Variants in SARNP observed in about 807,000 individuals in gnomAD.
SARNP encodes the protein SAP domain-containing ribonucleoprotein.
Under a neutral mutation model 38.1 loss-of-function variants are expected in SARNP, and 5 were observed. The ratio of observed to expected loss-of-function variants is 0.13; its 90% CI spans 0.07 to 0.28. The LOEUF (loss-of-function observed/expected upper bound fraction) is 0.28, where lower values mean the gene tolerates loss of function less well. Ranked by LOEUF, SARNP falls within the 10% of genes least tolerant of loss-of-function variation. SARNP has a pLI of 1.00. For synonymous variants in SARNP, 84 were observed against 80.6 expected (o/e 1.04, Z -0.23); for missense variants, 180 against 243.9 (o/e 0.74, Z 1.75).
chr12:55,798,820 G>A (rs1250190719), intron 4 of SARNP, among the ~76,000 whole-genome samples: 1 of 152,126 alleles, frequency 6.6e-6, no homozygotes, highest in African/African-American at 2.4e-5. Flanking sequence ...TCGAACTTTT[G>A]TATATACTTG....
intron 8 of SARNP, among the ~76,000 whole-genome samples, chr12:55,789,382 G>A (rs1879596763): frequency 6.6e-6 from 1 of 152,158 alleles, no homozygotes; most frequent in Non-Finnish European, 1.5e-5. Flanking sequence ...AGAGCCTAAG[G>A]AGGGCTTAAG....
intron 9 of SARNP, among the ~76,000 whole-genome samples, chr12:55,774,042 T>C (rs1019629158): frequency 5.9e-5 from 9 of 152,002 alleles, no homozygotes; most frequent in Non-Finnish European, 1.0e-4. Context: ...TCTCGCTCTG[T>C]CACCCAGGCT....
intron 1 of SARNP, among the ~76,000 whole-genome samples, chr12:55,811,834 C>T (rs572746318): frequency 6.6e-6 from 1 of 152,300 alleles, no homozygotes; most frequent in African/African-American, 2.4e-5. Flanking sequence ...TTTCAATCAG[C>T]GGCAAAGTCT....
chr12:55,803,559 A>T (rs897223202), intron 2 of SARNP, 70 bp downstream of exon 2: 1 of 940,850 alleles, frequency 1.1e-6, no homozygotes, highest in Non-Finnish European at 1.6e-6. Flanking sequence ...AAAAAAAAAA[A>T]GAAATCTTTT....
chr12:55,761,146 A>C (rs149113491), intron 9 of SARNP, among the ~76,000 whole-genome samples: 1 of 152,112 alleles, frequency 6.6e-6, no homozygotes, highest in Admixed American at 6.5e-5. Flanking sequence ...ACTGCACTCC[A>C]GCCTGGGTGA....
At chr12:55,796,874 A>T (rs1879835698) in intron 4 of SARNP, among the ~76,000 whole-genome samples, 1 of 152,226 alleles carries the variant, frequency 6.6e-6, no homozygotes, top group Non-Finnish European at 1.5e-5. Flanking sequence ...TCAAAGTGAA[A>T]CAAATAAAAA....
At chr12:55,752,933 G>A (rs1175489708), downstream of SARNP, 1 of 152,166 alleles carries the variant, frequency 6.6e-6, no homozygotes, top group African/African-American at 2.4e-5. Flanking sequence ...TTGGAGAACC[G>A]GAGGTGAAGA....
intron 1 of SARNP, among the ~76,000 whole-genome samples, chr12:55,805,944 G>C (rs1880126276): frequency 6.6e-6 from 1 of 151,898 alleles, no homozygotes; most frequent in Non-Finnish European, 1.5e-5. Flanking sequence ...GGCTGAGGCA[G>C]GAGAACAGCT....
chr12:55,757,795 G>T (rs1349492242), intron 10 of SARNP, among the ~76,000 whole-genome samples: 1 of 152,170 alleles, frequency 6.6e-6, no homozygotes, highest in African/African-American at 2.4e-5. Context: ...TACTGGGGGT[G>T]AGGGACAGAG....
At chr12:55,780,819 C>T (rs561920755) in intron 9 of SARNP, among the ~76,000 whole-genome samples, 11 of 152,282 alleles carry the variant, frequency 7.2e-5, no homozygotes, top group African/African-American at 2.4e-4. Flanking sequence ...TTCACATACC[C>T]GAGCAGAACA....
At chr12:55,767,306 G>A (rs1259458767) in intron 9 of SARNP, among the ~76,000 whole-genome samples, 1 of 152,000 alleles carries the variant, frequency 6.6e-6, no homozygotes, top group East Asian at 1.9e-4. Flanking sequence ...AGCACTTTGG[G>A]AGGCTGAGGT....
chr12:55,769,729 G>A lies in SARNP; in HGVS notation c.502-9089C>T, dbSNP rs755378743. Among the ~76,000 whole-genome samples the A allele has an allele frequency of 2.2e-4, 34 of 152,288 alleles. 2 individuals are homozygous for A. The highest frequency in any genetic ancestry group is 8.3e-4 in the South Asian group (4 of 4,816). Reference sequence around the variant, plus strand: ...ATGCTCAGTAGAAACTATACTTGACGTATCCATACAACCACTCTGTTCACT... The same window carrying A: ...ATGCTCAGTAGAAACTATACTTGACATATCCATACAACCACTCTGTTCACT... On this transcript the variant is annotated intron_variant, in intron 9 of 10. Coordinates refer to ENST00000336133, the MANE Select transcript of SARNP (RefSeq NM_033082.4).
intron 10 of SARNP, among the ~76,000 whole-genome samples, chr12:55,758,632 G>A (rs915588686): frequency 2.0e-5 from 3 of 151,604 alleles, no homozygotes; most frequent in African/African-American, 4.9e-5. Context: ...ACGACAGAGC[G>A]AGACTCCATC....
At chr12:55,816,142 C>G (rs987198627) in intron 1 of SARNP, among the ~76,000 whole-genome samples, 1 of 152,216 alleles carries the variant, frequency 6.6e-6, no homozygotes, top group African/African-American at 2.4e-5. Flanking sequence ...CATAAACCAA[C>G]ACAATCTATA....
chr12:55,786,345 C>G (rs573097343), intron 9 of SARNP, among the ~76,000 whole-genome samples: 1 of 152,238 alleles, frequency 6.6e-6, no homozygotes, highest in South Asian at 2.1e-4. Flanking sequence ...ATATCTAGCC[C>G]TCATATAAAA....
intron 1 of SARNP, among the ~76,000 whole-genome samples, chr12:55,812,681 T>G (rs1001814351): frequency 1.1e-4 from 16 of 152,266 alleles, no homozygotes; most frequent in African/African-American, 2.9e-4. Context: ...ACCCAAACCC[T>G]GGAGTCATCT....
chr12:55,815,665 T>C (rs1880460440), intron 1 of SARNP, among the ~76,000 whole-genome samples: 1 of 152,118 alleles, frequency 6.6e-6, no homozygotes, highest in Non-Finnish European at 1.5e-5. Context: ...GGTTTCGCCA[T>C]GTTGCCCAGG....
chr12:55,783,276 T>A (rs1445059185), intron 9 of SARNP, among the ~76,000 whole-genome samples: 1 of 149,594 alleles, frequency 6.7e-6, no homozygotes, highest in African/African-American at 2.5e-5. Context: ...GCAAACCAGG[T>A]AGATGTTATT....
chr12:55,799,925 C>T (rs1879930043), intron 4 of SARNP, among the ~76,000 whole-genome samples: 1 of 151,182 alleles, frequency 6.6e-6, no homozygotes, highest in Admixed American at 6.6e-5. Flanking sequence ...CACGGTGGCT[C>T]ACACCTGTAA....
Sources: allele counts gnomAD v4.1 joint callset (sites outside exome capture counted in the v4.1 genomes callset), GRCh38; gene constraint gnomAD v4.1.1; transcripts MANE v1.5; gene names NCBI Gene and HGNC (gene_info 2026-07-23, HGNC 2026-07-21).